The following KCNH1 variants were observed in gnomAD, a reference collection of about 807,000 sequenced individuals.
The protein encoded by KCNH1 is potassium voltage-gated channel subfamily H member 1.
KCNH1 carries 27 observed loss-of-function variants against 69.2 expected under a neutral mutation model. The ratio of observed to expected loss-of-function variants is 0.39; its 90% CI spans 0.29 to 0.54. The LOEUF (loss-of-function observed/expected upper bound fraction) is 0.54, where lower values mean the gene tolerates loss of function less well. KCNH1 is among the 20% of genes least tolerant of loss of function. The probability of loss-of-function intolerance (pLI) is 0.68; values close to 1 mark genes in which losing one functional copy is unlikely to be tolerated. For missense variants in KCNH1, 798 were observed against 1,261.6 expected, an observed-to-expected ratio of 0.63 and a Z score of 5.57; for synonymous variants, 456 against 487.7, an observed-to-expected ratio of 0.93 and a Z score of 0.86.
chr1:210,732,861 C>T (rs113984340), intron 10 of KCNH1, among the ~76,000 whole-genome samples: 3 of 152,168 alleles, frequency 2.0e-5, no homozygotes, highest in Admixed American at 2.0e-4. Context: ...AAGGGCCTAC[C>T]TACTAATACC....
chr1:210,861,264 A>AGGT (rs1429883669), intron 7 of KCNH1: 11 of 945,954 alleles, frequency 1.2e-5, no homozygotes, highest in Non-Finnish European at 1.9e-5. Context: ...AGATTCTTCC[A>AGGT]GGTGAGAGCA....
At chr1:210,690,038 G>A (rs1406013292) in intron 10 of KCNH1, among the ~76,000 whole-genome samples, 2 of 152,172 alleles carry the variant, frequency 1.3e-5, no homozygotes, top group African/African-American at 4.8e-5. Flanking sequence ...CTCTCTGCCT[G>A]TACTCACACT....
At chr1:210,839,222 T>C (rs1685354526) in intron 7 of KCNH1, among the ~76,000 whole-genome samples, 1 of 152,220 alleles carries the variant, frequency 6.6e-6, no homozygotes, top group African/African-American at 2.4e-5. Context: ...TGGAATACTA[T>C]GCAGCCGTTA....
At chr1:210,936,804 C>CCA (rs1468648108) in intron 6 of KCNH1, among the ~76,000 whole-genome samples, 3 of 152,014 alleles carry the variant, frequency 2.0e-5, no homozygotes, top group Non-Finnish European at 4.4e-5. Context: ...TACCTTTACT[C>CCA]CACATCATCA....
intron 10 of KCNH1, among the ~76,000 whole-genome samples, chr1:210,693,116 C>T (rs144932893): frequency 0.021 from 3,265 of 152,300 alleles, 72 homozygotes; most frequent in Middle Eastern, 0.034. Context: ...TGCCCACACC[C>T]GCCGTGTGCT....
In KCNH1 at chr1:210,919,027, GTAGGA is replaced by G. The variant is rs1474437976; in HGVS notation, c.1462+608_1462+612del. On this transcript the variant is annotated intron_variant, in intron 7 of 10. Coordinates refer to ENST00000271751, the MANE Select transcript of KCNH1 (RefSeq NM_172362.3). The surrounding 1 kb of genome is among the most constrained non-coding windows in gnomAD (Gnocchi z 4.2). ...GCTACAGCTATGTTCAAATTGACAT[GTAGGA>G]CATGTAGCATGACGGCTATAGTTAA... The G allele has an allele frequency of 2.0e-5, 1 of 49,500 alleles. No individual in the cohort carries two copies. Among genetic ancestry groups the G allele is most frequent in the African/African-American group, 1.0e-4 (1 of 9,644 alleles). The allele number at this position is 49,500 out of a possible 1,614,324, so 3.1% of individuals were successfully genotyped here.
intron 6 of KCNH1, among the ~76,000 whole-genome samples, chr1:211,010,243 T>A (rs1689369282): frequency 6.6e-6 from 1 of 152,044 alleles, no homozygotes; most frequent in Admixed American, 6.5e-5. Flanking sequence ...TGGGGTTCAG[T>A]GCACTAGTGG....
intron 5 of KCNH1, among the ~76,000 whole-genome samples, chr1:211,078,905 G>A (rs1402040153): frequency 8.4e-6 from 1 of 118,780 alleles, no homozygotes; most frequent in African/African-American, 3.2e-5. Flanking sequence ...GTGACAGAGC[G>A]AGACTCCGTC....
intron 5 of KCNH1, among the ~76,000 whole-genome samples, chr1:211,037,591 T>G (rs1018195410): frequency 6.6e-6 from 1 of 151,648 alleles, no homozygotes; most frequent in South Asian, 2.1e-4. Context: ...TCCTGTCATC[T>G]TATGCAACCA....
At chr1:210,819,570 T>C (rs2102424339) in intron 7 of KCNH1, among the ~76,000 whole-genome samples, 1 of 151,714 alleles carries the variant, frequency 6.6e-6, no homozygotes, top group South Asian at 2.1e-4. Context: ...AAAATTAAGC[T>C]AAGCAGTGAC....
chr1:211,021,913 A>C (rs1471174332), intron 5 of KCNH1, among the ~76,000 whole-genome samples: 3 of 152,216 alleles, frequency 2.0e-5, no homozygotes, highest in Non-Finnish European at 4.4e-5. Flanking sequence ...AGCAATCTAC[A>C]GATTCAATGC....
At chr1:211,063,755 A>AG (rs1690477866) in intron 5 of KCNH1, 1 of 149,330 alleles carries the variant, frequency 6.7e-6, no homozygotes, top group Non-Finnish European at 1.5e-5. Flanking sequence ...GAAAAAAAAA[A>AG]AGAGAGATGG....
At chr1:210,861,732 G>A in intron 7 of KCNH1, 1 of 774,490 alleles carries the variant, frequency 1.3e-6, no homozygotes, top group Non-Finnish European at 2.4e-6. Flanking sequence ...AAAGAAGCTG[G>A]ATAAAATGAT....
intron 6 of KCNH1, among the ~76,000 whole-genome samples, chr1:210,972,116 A>G (rs2102367972): frequency 6.6e-6 from 1 of 152,274 alleles, no homozygotes; most frequent in African/African-American, 2.4e-5. Context: ...ACTTTAAAAC[A>G]GAGGGGTTTT....
chr1:210,754,765 T>C (rs1428168488), intron 10 of KCNH1, among the ~76,000 whole-genome samples: 1 of 152,020 alleles, frequency 6.6e-6, no homozygotes, highest in Non-Finnish European at 1.5e-5. Context: ...TAATTAAAAC[T>C]CTTTTCTTTA....
At chr1:210,950,257 T>C (rs1688038431) in intron 6 of KCNH1, among the ~76,000 whole-genome samples, 2 of 151,188 alleles carry the variant, frequency 1.3e-5, no homozygotes, top group Admixed American at 1.3e-4. Context: ...TTAGGGTACA[T>C]GTGCACATTG....
chr1:210,822,796 T>A (rs1684957065), intron 7 of KCNH1, among the ~76,000 whole-genome samples: 2 of 152,190 alleles, frequency 1.3e-5, no homozygotes, highest in Admixed American at 6.5e-5. Context: ...CAAGCCCTTG[T>A]CAGTCTCTCC....
chr1:210,960,810 T>C (rs769428617), intron 6 of KCNH1, among the ~76,000 whole-genome samples: 23 of 152,216 alleles, frequency 1.5e-4, no homozygotes, highest in Non-Finnish European at 3.1e-4. Context: ...TATATTTGAT[T>C]TTTAAAGAAA....
At chr1:210,861,015 G>A (rs1426751095) in intron 7 of KCNH1, 9 of 1,056,020 alleles carry the variant, frequency 8.5e-6, no homozygotes, top group South Asian at 1.3e-5. Context: ...TCAGCATTGG[G>A]TTCTGTAAGA....
Sources: gnomAD v4.1 joint callset for allele counts (sites outside exome capture counted in the v4.1 genomes callset) on GRCh38, gnomAD v4.1.1 for gene constraint, Gnocchi (gnomAD v3.1) non-coding constraint, MANE v1.5 for transcripts, NCBI Gene and HGNC (gene_info 2026-07-23, HGNC 2026-07-21) for gene names.